ZGPAT: variants seen among roughly 807,000 people sequenced by gnomAD.
ZGPAT encodes the protein zinc finger CCCH-type with G patch domain-containing protein.
Under a neutral mutation model 47.9 loss-of-function variants are expected in ZGPAT, and 39 were observed. The observed-to-expected ratio is 0.81, with a 90% confidence interval of 0.63 to 1.06. The LOEUF is 1.06. Among genes scored for constraint, ZGPAT ranks in the 50% least tolerant of loss-of-function variants. The pLI, the probability that ZGPAT is intolerant of heterozygous loss-of-function variation, is 0.00. For synonymous variants in ZGPAT, 348 were observed against 292.9 expected (o/e 1.19, Z -1.92); for missense variants, 717 against 681.4 (o/e 1.05, Z -0.58).
chr20:63,713,093 A>G (rs2091687339), intron 2 of ZGPAT, among the ~76,000 whole-genome samples: 1 of 149,604 alleles, frequency 6.7e-6, no homozygotes, highest in African/African-American at 2.5e-5. Context: ...TTTTTTTGAG[A>G]CAGAGTCTTG....
chr20:63,708,447 G>A, intron 1 of ZGPAT, 106 bp from the exon 2 acceptor site: 1 of 781,812 alleles, frequency 1.3e-6, no homozygotes, highest in Non-Finnish European at 2.0e-6. Flanking sequence ...GTGCCTCTGA[G>A]CCGGTGTCTC....
chr20:63,725,655 C>T (rs2091837642), intron 2 of ZGPAT, among the ~76,000 whole-genome samples: 1 of 151,346 alleles, frequency 6.6e-6, no homozygotes, highest in Non-Finnish European at 1.5e-5. Flanking sequence ...TTTTGTTTTA[C>T]CAAATTTGGA....
intron 2 of ZGPAT, among the ~76,000 whole-genome samples, chr20:63,722,577 A>G (rs1162258473): frequency 6.6e-6 from 1 of 152,132 alleles, no homozygotes; most frequent in East Asian, 1.9e-4. Flanking sequence ...AGAGATGACA[A>G]TGTACATCTT....
intron 2 of ZGPAT, among the ~76,000 whole-genome samples, chr20:63,719,238 T>C (rs938469884): frequency 1.3e-5 from 2 of 152,244 alleles, no homozygotes; most frequent in Non-Finnish European, 2.9e-5. Flanking sequence ...TGTATCAGTG[T>C]GGATCCCTCA....
chr20:63,710,192 C>T (rs1185245270), intron 2 of ZGPAT, among the ~76,000 whole-genome samples: 2 of 137,192 alleles, frequency 1.5e-5, no homozygotes, highest in Non-Finnish European at 3.1e-5. Context: ...TCACTCTCCT[C>T]ACCCAGGCTG....
At chr20:63,719,065 C>CAAAAA in intron 2 of ZGPAT, among the ~76,000 whole-genome samples, 1 of 146,552 alleles carries the variant, frequency 6.8e-6, no homozygotes, top group South Asian at 2.2e-4. Context: ...GACTCCATCT[C>CAAAAA]AAAAAAAAAA....
rs1043967057 is a variant in ZGPAT, at chr20:63,709,141, G to A, written c.561G>A (p.Lys187=). ...LKPCPFFLEG[K]CRFKENCRFS... is the part of the protein sequence containing the mutation. ...CGTGCCCGTTCTTCCTGGAGGGAAA[G>A]TGCCGCTTTAAGGAGAACTGCAGGT... The change falls in exon 2 of 7, where the codon AAG becomes AAA. Residue 187 remains lysine (K), a synonymous_variant. Transcript: ENST00000355969. 6.2e-6 allele frequency: 10 copies of A among 1,611,780 alleles called. No homozygotes were observed. The highest frequency in any genetic ancestry group is 8.5e-6 in the Non-Finnish European group (10 of 1,180,024).
intron 2 of ZGPAT, 101 bp downstream of exon 2, chr20:63,709,265 C>T (rs1035831720): frequency 1.1e-5 from 15 of 1,341,492 alleles, no homozygotes; most frequent in Admixed American, 8.7e-5. Context: ...AGTTTTGTCT[C>T]AGCTTCCTGG....
intron 2 of ZGPAT, among the ~76,000 whole-genome samples, chr20:63,731,900 A>G (rs1010251263): frequency 1.3e-5 from 2 of 152,212 alleles, no homozygotes; most frequent in African/African-American, 2.4e-5. Flanking sequence ...CAAGTAATCT[A>G]GGGATGATTT....
chr20:63,714,117 C>T (rs1006430049), intron 2 of ZGPAT, among the ~76,000 whole-genome samples: 1 of 151,750 alleles, frequency 6.6e-6, no homozygotes, highest in Non-Finnish European at 1.5e-5. Flanking sequence ...ACTTCAAGTA[C>T]AATGTTGAAT....
At chr20:63,711,198 T>G (rs899634850) in intron 2 of ZGPAT, among the ~76,000 whole-genome samples, 5 of 152,106 alleles carry the variant, frequency 3.3e-5, no homozygotes, top group African/African-American at 1.2e-4. Context: ...CCCAGCTAAT[T>G]TTTGTATTTT....
chr20:63,714,156 T>TGGC (rs2091701750), intron 2 of ZGPAT, among the ~76,000 whole-genome samples: 1 of 152,062 alleles, frequency 6.6e-6, no homozygotes, highest in Admixed American at 6.6e-5. Context: ...CCGGGGGTGG[T>TGGC]GGCTCACACC....
intron 2 of ZGPAT, among the ~76,000 whole-genome samples, chr20:63,721,103 G>A (rs763332224): frequency 1.3e-5 from 2 of 152,158 alleles, no homozygotes; most frequent in Admixed American, 6.5e-5. Context: ...TGTAATGCTA[G>A]GACTTTGGGA....
At chr20:63,726,921 C>T (rs1400276971) in intron 2 of ZGPAT, among the ~76,000 whole-genome samples, 1 of 152,192 alleles carries the variant, frequency 6.6e-6, no homozygotes, top group Non-Finnish European at 1.5e-5. Flanking sequence ...ACACATGCAA[C>T]AGCCCCTCCC....
intron 2 of ZGPAT, among the ~76,000 whole-genome samples, chr20:63,728,328 G>A (rs370809477): frequency 1.3e-5 from 2 of 152,056 alleles, no homozygotes; most frequent in South Asian, 2.1e-4. Context: ...GAGCCACCAC[G>A]CACGGCCTTA....
At chr20:63,733,395 C>T in intron 3 of ZGPAT, 43 bp downstream of exon 3, 1 of 1,602,914 alleles carries the variant, frequency 6.2e-7, no homozygotes, top group Non-Finnish European at 8.5e-7. Flanking sequence ...CCCTCCCAGG[C>T]CCCACGTGTG....
At position 63,734,724 on chromosome 20, in the gene ZGPAT, G is replaced by A. The variant is rs2091960462; in HGVS notation, c.891G>A (p.Val297=). The A allele has an allele frequency of 6.2e-7, 1 of 1,613,946 alleles. No individual in the cohort carries two copies. Among genetic ancestry groups the A allele is most frequent in the South Asian group, 1.1e-5 (1 of 91,072 alleles). The change falls in exon 5 of 7, where the codon GTG becomes GTA. Residue 297 remains valine, a synonymous_variant. Transcript: ENST00000355969. ...SYARVVGSDA[V]DSGTCSSAFA... is the part of the protein sequence containing the mutation. ...TTGCAGTGGTGGGGTCAGATGCTGT[G>A]GACTCTGGGACCTGCAGCTCTGCCT...
intron 2 of ZGPAT, among the ~76,000 whole-genome samples, chr20:63,710,106 C>G (rs972946346): frequency 4.0e-5 from 6 of 151,660 alleles, no homozygotes; most frequent in African/African-American, 1.5e-4. Flanking sequence ...GTGATCCGCC[C>G]ACCTTGGCCT....
chr20:63,736,046 G>C lies in ZGPAT; in HGVS notation c.*127G>C, dbSNP rs193010685. The C allele has an allele frequency of 1.9e-4, 261 of 1,354,828 alleles. 2 individuals are homozygous for C. The East Asian group carries it at 6.1e-3, about 32-fold the overall frequency. The allele number at this position is 1,354,828 out of a possible 1,614,324, so 83.9% of individuals were successfully genotyped here. ...GTGCAGACACTGCTGAGTGGAGACA[G>C]AGCTGCGGGGTCCCATCTGGACACT... is the stretch of plus-strand genomic sequence containing the variant. On this transcript the variant is annotated 3_prime_UTR_variant, in exon 7 of 7. Transcript: ENST00000355969.
Sources: allele counts gnomAD v4.1 joint callset (sites outside exome capture counted in the v4.1 genomes callset), GRCh38; gene constraint gnomAD v4.1.1; transcripts MANE v1.5; gene names NCBI Gene and HGNC (gene_info 2026-07-23, HGNC 2026-07-21).